FER: variants seen among roughly 807,000 people sequenced by gnomAD.
FER encodes tyrosine-protein kinase Fer.
A neutral mutation model predicts 111.0 loss-of-function variants in FER; 63 were observed. The ratio of observed to expected loss-of-function variants is 0.57; its 90% CI spans 0.46 to 0.70. The LOEUF is 0.70. FER is among the 30% of genes least tolerant of loss of function. FER has a pLI of 0.00. For synonymous variants in FER, 327 were observed against 313.9 expected (o/e 1.04, Z -0.44); for missense variants, 914 against 954.0 (o/e 0.96, Z 0.55).
intron 15 of FER, among the ~76,000 whole-genome samples, chr5:109,045,992 T>C (rs945463801): frequency 3.3e-5 from 5 of 152,234 alleles, no homozygotes; most frequent in Admixed American, 2.6e-4. Context: ...TTTTACGTGC[T>C]ATCCTGCAAA....
intron 13 of FER, among the ~76,000 whole-genome samples, chr5:108,981,994 T>C (rs1225184129): frequency 1.3e-5 from 2 of 152,132 alleles, no homozygotes; most frequent in African/African-American, 4.8e-5. Context: ...CATGAGTACT[T>C]TCCCACTTTT....
intron 9 of FER, among the ~76,000 whole-genome samples, chr5:108,887,964 A>G (rs1747427430): frequency 6.6e-6 from 1 of 151,854 alleles, no homozygotes. Flanking sequence ...AACCTGTTTT[A>G]TATCATTATC....
At position 109,061,869 on chromosome 5, in the gene FER, A is replaced by T. The variant is rs148602486; in HGVS notation, c.1924+14671A>T. Among the ~76,000 whole-genome samples the T allele has an allele frequency of 7.9e-3, 1,197 of 152,326 alleles. 13 individuals carry two copies. The highest frequency in any genetic ancestry group is 0.028 in the African/African-American group (1,159 of 41,558). Reference sequence around the variant, plus strand: ...GATTTAATATGCTCCTGTTCTTGTCAGATAACTGAGCCCTTTTGGAATCAT... The same window carrying T: ...GATTTAATATGCTCCTGTTCTTGTCTGATAACTGAGCCCTTTTGGAATCAT... On this transcript the variant is annotated intron_variant, in intron 16 of 19. Transcript: ENST00000281092.
intron 17 of FER, among the ~76,000 whole-genome samples, chr5:109,168,789 A>C (rs768505360): frequency 1.7e-4 from 26 of 152,218 alleles, no homozygotes; most frequent in Non-Finnish European, 2.6e-4. Flanking sequence ...AGATCCTATG[A>C]TACCCACTTG....
At chr5:109,109,672 C>G (rs1262080974) in intron 17 of FER, among the ~76,000 whole-genome samples, 4 of 152,088 alleles carry the variant, frequency 2.6e-5, no homozygotes, top group African/African-American at 7.2e-5. Flanking sequence ...TAAGAAGAAA[C>G]CACACACGCC....
intron 16 of FER, among the ~76,000 whole-genome samples, chr5:109,066,821 A>G (rs1218050668): frequency 6.6e-6 from 1 of 152,208 alleles, no homozygotes; most frequent in East Asian, 1.9e-4. Flanking sequence ...CTCTTTTCTC[A>G]AAGAAGTCAC....
At chr5:108,809,729 A>C (rs1344662969) in intron 3 of FER, among the ~76,000 whole-genome samples, 2 of 151,962 alleles carry the variant, frequency 1.3e-5, no homozygotes, top group East Asian at 3.9e-4. Context: ...TGCCTGGCTA[A>C]TTTTTGTATA....
At chr5:109,097,777 G>T (rs773548242) in intron 16 of FER, among the ~76,000 whole-genome samples, 8 of 151,672 alleles carry the variant, frequency 5.3e-5, no homozygotes, top group Non-Finnish European at 8.9e-5. Context: ...TGCCTCCTGG[G>T]GAGTTTATTT....
intron 8 of FER, among the ~76,000 whole-genome samples, 162 bp downstream of exon 8, chr5:108,872,374 G>T (rs755056558): frequency 6.6e-6 from 1 of 151,930 alleles, no homozygotes; most frequent in African/African-American, 2.4e-5. Context: ...ACTCATTTTC[G>T]TCACTACTTT....
chr5:108,761,686 T>TA (rs1438573381), intron 1 of FER, among the ~76,000 whole-genome samples: 2 of 152,116 alleles, frequency 1.3e-5, no homozygotes, highest in African/African-American at 4.8e-5. Flanking sequence ...CTTCAATTTG[T>TA]AAAAAAGGGA....
intron 8 of FER, among the ~76,000 whole-genome samples, chr5:108,873,072 A>T (rs1208585321): frequency 4.6e-5 from 7 of 152,108 alleles, no homozygotes; most frequent in Non-Finnish European, 1.0e-4. Flanking sequence ...TGGTACGGGT[A>T]ATTAGCTAAG....
intron 16 of FER, among the ~76,000 whole-genome samples, chr5:109,047,710 C>T (rs1207928805): frequency 1.3e-5 from 2 of 152,120 alleles, no homozygotes; most frequent in Non-Finnish European, 2.9e-5. Context: ...GCTGGGATTA[C>T]AGACATGAGC....
chr5:108,760,522 A>G (rs900850830), intron 1 of FER, among the ~76,000 whole-genome samples: 1 of 152,210 alleles, frequency 6.6e-6, no homozygotes, highest in Admixed American at 6.5e-5. Context: ...CAAATTCATC[A>G]GTGATCTTGG....
In FER at chr5:108,945,505, G is replaced by A. The variant is rs188106344; in HGVS notation, c.1237-625G>A. On this transcript the variant is annotated intron_variant, in intron 10 of 19. Coordinates refer to ENST00000281092, the MANE Select transcript of FER (RefSeq NM_005246.4). ...CACATTGTGTGGCAAATAGCAATCT[G>A]GATTTGGTAGGATTGGTGGTAGGTA... 3.5e-3 allele frequency among the ~76,000 whole-genome samples: 539 copies of A among 152,016 alleles called. 2 individuals carry two copies. The highest frequency in any genetic ancestry group is 0.012 in the African/African-American group (505 of 41,508).
chr5:109,053,328 A>G (rs1449397001), intron 16 of FER, among the ~76,000 whole-genome samples: 1 of 148,900 alleles, frequency 6.7e-6, no homozygotes, highest in Non-Finnish European at 1.5e-5. Flanking sequence ...GGTTGCAGTG[A>G]GCCAAGATCA....
Position 108,897,727 on chromosome 5 carries a change from G to A in FER, c.1115G>A (p.Cys372Tyr), listed in dbSNP as rs1393056928. ...ELKQSVQQLRCTEAKFSAQKE... is the reference protein window; with the variant it reads ...ELKQSVQQLRYTEAKFSAQKE... ...AAACAGTCAGTCCAGCAGCTGAGAT[G>A]CACTGAAGCAAAGTTTTCAGCACAG... The change falls in exon 10 of 20, where the codon TGC becomes TAC. Residue 372 changes from cysteine (C) to tyrosine (Y), a missense_variant. By Grantham distance (194) the Cys-to-Tyr change is radical. Transcript: ENST00000281092. 1.9e-6 allele frequency: 3 copies of A among 1,613,526 alleles called. No homozygotes were observed. The highest frequency in any genetic ancestry group is 3.3e-5 in the Admixed American group (2 of 59,970).
intron 10 of FER, among the ~76,000 whole-genome samples, chr5:108,929,406 A>G (rs771219422): frequency 3.3e-5 from 5 of 152,178 alleles, no homozygotes; most frequent in Non-Finnish European, 7.4e-5. Context: ...GTCAATTCCT[A>G]TCTCACCAGA....
chr5:108,926,516 T>A (rs924202267), intron 10 of FER, among the ~76,000 whole-genome samples: 1 of 152,178 alleles, frequency 6.6e-6, no homozygotes, highest in Admixed American at 6.5e-5. Context: ...GCACACTGAC[T>A]CTTGAAATTT....
At chr5:109,176,821 T>C (rs1198379598) in intron 17 of FER, among the ~76,000 whole-genome samples, 4 of 152,130 alleles carry the variant, frequency 2.6e-5, no homozygotes, top group African/African-American at 9.7e-5. Context: ...ACAAAAAAAG[T>C]AAATAAATCT....
Sources: gnomAD v4.1 joint callset for allele counts (sites outside exome capture counted in the v4.1 genomes callset) on GRCh38, gnomAD v4.1.1 for gene constraint, MANE v1.5 for transcripts, NCBI Gene and HGNC (gene_info 2026-07-23, HGNC 2026-07-21) for gene names.